Variants in PGGT1B observed in about 807,000 individuals in gnomAD.
PGGT1B encodes the protein protein geranylgeranyltransferase type I subunit beta.
A neutral mutation model predicts 46.1 loss-of-function variants in PGGT1B; 30 were observed. The observed-to-expected ratio is 0.65, with a 90% CI of 0.49 to 0.88. The LOEUF is 0.88. Ranked by LOEUF, PGGT1B falls within the 40% of genes least tolerant of loss-of-function variation. PGGT1B has a pLI of 0.00. For missense variants in PGGT1B, 376 were observed against 455.9 expected (o/e 0.82, Z 1.60); for synonymous variants, 170 against 160.0 (o/e 1.06, Z -0.47).
At chr5:115,254,422 T>A (rs1288610800) in intron 1 of PGGT1B, among the ~76,000 whole-genome samples, 1 of 152,074 alleles carries the variant, frequency 6.6e-6, no homozygotes, top group African/African-American at 2.4e-5. Flanking sequence ...TATATAATAG[T>A]TTAACAATTT....
chr5:115,229,638 C>T (rs952468926), intron 6 of PGGT1B, among the ~76,000 whole-genome samples: 7 of 152,078 alleles, frequency 4.6e-5, no homozygotes, highest in Admixed American at 4.6e-4. Flanking sequence ...AGCTGTCTCA[C>T]AGGTGAGGTG....
At chr5:115,223,954 C>T (rs1756677430) in intron 6 of PGGT1B, among the ~76,000 whole-genome samples, 1 of 152,086 alleles carries the variant, frequency 6.6e-6, no homozygotes, top group Non-Finnish European at 1.5e-5. Context: ...TTCAGTGTTA[C>T]AAATCTTGAA....
chr5:115,237,093 TA>T (rs1382692004), intron 4 of PGGT1B, among the ~76,000 whole-genome samples: 8 of 152,202 alleles, frequency 5.3e-5, no homozygotes, highest in African/African-American at 1.7e-4. Context: ...TATTGAGACA[TA>T]AGTCATATAT....
chr5:115,224,617 C>T (rs1756702855), intron 6 of PGGT1B, among the ~76,000 whole-genome samples: 1 of 152,008 alleles, frequency 6.6e-6, no homozygotes, highest in African/African-American at 2.4e-5. Context: ...GCCTGTAAAT[C>T]CCACCACTTT....
chr5:115,253,990 T>C (rs1288721732), intron 1 of PGGT1B, among the ~76,000 whole-genome samples: 1 of 152,062 alleles, frequency 6.6e-6, no homozygotes, highest in African/African-American at 2.4e-5. Flanking sequence ...GTCTCTAGTA[T>C]AGCTTGATTG....
At chr5:115,259,283 T>C (rs1157294386) in intron 1 of PGGT1B, among the ~76,000 whole-genome samples, 1 of 152,128 alleles carries the variant, frequency 6.6e-6, no homozygotes, top group African/African-American at 2.4e-5. Flanking sequence ...CAGAATCCAA[T>C]GAAGGTCTGG....
intron 2 of PGGT1B, among the ~76,000 whole-genome samples, chr5:115,242,654 G>A (rs962886428): frequency 3.3e-5 from 5 of 152,068 alleles, no homozygotes; most frequent in Admixed American, 2.0e-4. Context: ...CCCTACTGGC[G>A]AAAAATGTAT....
chr5:115,221,319 T>C (rs1331612341), intron 7 of PGGT1B, among the ~76,000 whole-genome samples: 1 of 151,936 alleles, frequency 6.6e-6, no homozygotes, highest in Non-Finnish European at 1.5e-5. Context: ...TAAAAGGTAG[T>C]AGAGATGGGA....
chr5:115,240,711 G>A (rs888052943), intron 3 of PGGT1B, among the ~76,000 whole-genome samples: 3 of 152,118 alleles, frequency 2.0e-5, no homozygotes, highest in Non-Finnish European at 4.4e-5. Flanking sequence ...AGCTGATTAC[G>A]GAAAAACTGG....
At chr5:115,241,709 TCCA>T in intron 2 of PGGT1B, 103 bp from the exon 3 acceptor site, 1 of 738,814 alleles carries the variant, frequency 1.4e-6, no homozygotes, top group Non-Finnish European at 2.1e-6. Flanking sequence ...TATTTTAGTC[TCCA>T]TTTTCATACT....
At chr5:115,231,451 T>C (rs1756981688) in intron 5 of PGGT1B, 1 of 152,390 alleles carries the variant, frequency 6.6e-6, no homozygotes, top group Admixed American at 6.6e-5. Context: ...GTAGCCATTA[T>C]TGGGTACCAT....
intron 2 of PGGT1B, 143 bp from the exon 3 acceptor site, chr5:115,241,749 C>T: frequency 7.5e-6 from 4 of 533,436 alleles, no homozygotes; most frequent in Non-Finnish European, 1.3e-5. Flanking sequence ...TTACCATGTG[C>T]CAGGTCCATT....
At chr5:115,240,660 C>T (rs1757320247) in intron 3 of PGGT1B, among the ~76,000 whole-genome samples, 1 of 152,168 alleles carries the variant, frequency 6.6e-6, no homozygotes, top group South Asian at 2.1e-4. Context: ...CAAAGTATGT[C>T]ATCTTCTTCA....
At position 115,206,014 on chromosome 5, in the gene PGGT1B, T is replaced by C. The variant is rs1385645707; in HGVS notation, c.*6388A>G. On this transcript the variant is annotated 3_prime_UTR_variant, in exon 9 of 9. Transcript: ENST00000419445. The stretch of plus-strand genomic sequence containing the variant: ...ACTGACCTAATATGTTTATGCAACG[T>C]GATACTATGCAACTATTAAAGTATG... 1 of 151,824 alleles carries C rather than the reference T, an allele frequency of 6.6e-6. No individual in the cohort carries two copies. The highest frequency in any genetic ancestry group is 1.5e-5 in the Non-Finnish European group (1 of 67,830). The allele number at this position is 151,824 out of a possible 1,614,324, so 9.4% of individuals were successfully genotyped here.
At position 115,233,672 on chromosome 5, in the gene PGGT1B, C is replaced by A. The variant is rs561946741; in HGVS notation, c.613-2651G>T. On this transcript the variant is annotated intron_variant, in intron 5 of 8. Coordinates refer to ENST00000419445, the MANE Select transcript of PGGT1B (RefSeq NM_005023.4). ...AGTTAAGAAAATGGTCAATTACACT[C>A]ATAATAAAAGAAATAATAAAATGAA... Among the ~76,000 whole-genome samples, 4 of 151,434 alleles carry A rather than the reference C, an allele frequency of 2.6e-5. No homozygotes were observed. In the South Asian group the frequency reaches 8.3e-4, roughly 32 times the overall value.
intron 3 of PGGT1B, among the ~76,000 whole-genome samples, chr5:115,238,577 CTTATT>C (rs1277971366): frequency 6.6e-6 from 1 of 152,028 alleles, no homozygotes; most frequent in Non-Finnish European, 1.5e-5. Context: ...TAAAACAAAA[CTTATT>C]TTATATAGCA....
intron 6 of PGGT1B, among the ~76,000 whole-genome samples, chr5:115,223,764 G>C (rs1380514623): frequency 1.3e-5 from 2 of 152,154 alleles, no homozygotes; most frequent in African/African-American, 2.4e-5. Context: ...GAAATGAAAA[G>C]TCAGTATTTT....
At chr5:115,239,362 A>G (rs1757282066) in intron 3 of PGGT1B, among the ~76,000 whole-genome samples, 1 of 152,130 alleles carries the variant, frequency 6.6e-6, no homozygotes, top group Admixed American at 6.6e-5. Flanking sequence ...AGTTCTTTAT[A>G]TGGTCTCACA....
rs1489888183 is a variant in PGGT1B at position 115,206,405 on chromosome 5, TG to T, written c.*5996del. The T allele has an allele frequency of 6.6e-6, 1 of 151,990 alleles. No individual in the cohort carries two copies. Among genetic ancestry groups the T allele is most frequent in the African/African-American group, 2.4e-5 (1 of 41,432 alleles). The allele number at this position is 151,990 out of a possible 1,614,324, so 9.4% of individuals were successfully genotyped here. A position where few individuals can be genotyped will look rare whatever the true frequency, so the allele number is the denominator to read the frequency against. Reference sequence around the variant, plus strand: ...AAATAAGCTATATATTTTTTAAAATTGTAAATATCTGAATAATTAAGCACCA... The same window carrying T: ...AAATAAGCTATATATTTTTTAAAATTTAAATATCTGAATAATTAAGCACCA... On this transcript the variant is annotated 3_prime_UTR_variant, in exon 9 of 9. Coordinates refer to ENST00000419445, the MANE Select transcript of PGGT1B (RefSeq NM_005023.4).
Sources: allele counts gnomAD v4.1 joint callset (sites outside exome capture counted in the v4.1 genomes callset), GRCh38; gene constraint gnomAD v4.1.1; transcripts MANE v1.5; gene names NCBI Gene and HGNC (gene_info 2026-07-23, HGNC 2026-07-21).